Variants in GALNT14 observed in about 807,000 individuals in gnomAD.
GALNT14 encodes the protein polypeptide N-acetylgalactosaminyltransferase 14.
A neutral mutation model predicts 77.5 loss-of-function variants in GALNT14; 60 were observed. The observed-to-expected ratio is 0.77, with a 90% confidence interval of 0.63 to 0.96. The LOEUF (loss-of-function observed/expected upper bound fraction) is 0.96. Ranked by LOEUF, GALNT14 falls within the 40% of genes least tolerant of loss-of-function variation. GALNT14 has a pLI of 0.00. For synonymous variants in GALNT14, 280 were observed against 281.7 expected, an observed-to-expected ratio of 0.99 and a Z score of 0.06; for missense variants, 710 against 731.0, an observed-to-expected ratio of 0.97 and a Z score of 0.33.
At chr2:30,896,914 G>A in the GALNT14 span, among the ~76,000 whole-genome samples, 1 of 151,974 alleles carries the variant, frequency 6.6e-6, no homozygotes, top group Non-Finnish European at 1.5e-5. Flanking sequence ...CATCTCTGGA[G>A]TCTTTAACAG....
chr2:30,887,413 A>C, the GALNT14 span, among the ~76,000 whole-genome samples: 1 of 152,070 alleles, frequency 6.6e-6, no homozygotes, highest in African/African-American at 2.4e-5. Context: ...TTTTCATATG[A>C]TAGCCATCCT....
At chr2:30,952,511 C>T (rs1553342085) in intron 6 of GALNT14, among the ~76,000 whole-genome samples, 1 of 147,396 alleles carries the variant, frequency 6.8e-6, no homozygotes, top group African/African-American at 2.5e-5. Context: ...ATTGCAAGAA[C>T]AAAAAACCAA....
At chr2:30,952,219 T>G (rs1667070590) in intron 6 of GALNT14, among the ~76,000 whole-genome samples, 1 of 152,188 alleles carries the variant, frequency 6.6e-6, no homozygotes, top group African/African-American at 2.4e-5. Flanking sequence ...AAAAAGATAC[T>G]GAATGGAAAG....
At chr2:31,122,673 G>C (rs910093722) in intron 1 of GALNT14, among the ~76,000 whole-genome samples, 1 of 151,954 alleles carries the variant, frequency 6.6e-6, no homozygotes, top group African/African-American at 2.4e-5. Flanking sequence ...CATCAGGGGT[G>C]TTTTCTATAA....
chr2:31,082,241 CACA>C (rs1676191400), intron 1 of GALNT14, among the ~76,000 whole-genome samples: 1 of 152,266 alleles, frequency 6.6e-6, no homozygotes, highest in South Asian at 2.1e-4. Flanking sequence ...ACAGATAACA[CACA>C]ACAAGCAGGG....
At chr2:30,995,156 G>A (rs1383838473) in intron 1 of GALNT14, among the ~76,000 whole-genome samples, 6 of 62,218 alleles carry the variant, frequency 9.6e-5, no homozygotes, top group African/African-American at 2.3e-4. Context: ...GTGTGTGTGT[G>A]TGTGTGTGTG....
At chr2:30,934,584 T>C (rs1014596470) in intron 9 of GALNT14, among the ~76,000 whole-genome samples, 2 of 152,174 alleles carry the variant, frequency 1.3e-5, no homozygotes, top group East Asian at 3.8e-4. Flanking sequence ...GCTGTTTCTT[T>C]TCCTATGATC....
intron 2 of GALNT14, among the ~76,000 whole-genome samples, chr2:30,979,059 G>C (rs1296484722): frequency 1.3e-5 from 2 of 152,268 alleles, no homozygotes; most frequent in Admixed American, 1.3e-4. Context: ...GCCATGGCCT[G>C]ATGGGGGCGG....
At chr2:30,898,152 T>G in the GALNT14 span, among the ~76,000 whole-genome samples, 1 of 152,184 alleles carries the variant, frequency 6.6e-6, no homozygotes, top group Non-Finnish European at 1.5e-5. Context: ...GAGTGAGCTC[T>G]CTCGTCCTCG....
At chr2:31,058,458 G>T (rs1674378347) in intron 1 of GALNT14, among the ~76,000 whole-genome samples, 1 of 152,106 alleles carries the variant, frequency 6.6e-6, no homozygotes, top group African/African-American at 2.4e-5. Flanking sequence ...AACACACCTA[G>T]GACATCCTTT....
chr2:30,990,811 T>C (rs1193024525), intron 2 of GALNT14, among the ~76,000 whole-genome samples: 1 of 152,240 alleles, frequency 6.6e-6, no homozygotes, highest in Non-Finnish European at 1.5e-5. Flanking sequence ...AGGGCAAGGC[T>C]CGTGCCCTGA....
the GALNT14 span, among the ~76,000 whole-genome samples, chr2:30,900,327 A>G: frequency 6.6e-6 from 1 of 152,016 alleles, no homozygotes; most frequent in Non-Finnish European, 1.5e-5. Flanking sequence ...TCAGTATTAA[A>G]CTCTGTCATT....
At chr2:30,896,462 G>A in the GALNT14 span, among the ~76,000 whole-genome samples, 34 of 152,314 alleles carry the variant, frequency 2.2e-4, no homozygotes, top group African/African-American at 7.7e-4. Context: ...CTTTGGACAA[G>A]TTACTTAACC....
chr2:31,023,260 G>A (rs929685937), intron 1 of GALNT14, among the ~76,000 whole-genome samples: 34 of 152,134 alleles, frequency 2.2e-4, no homozygotes, highest in Non-Finnish European at 4.4e-4. Context: ...GTTTCCAGTG[G>A]ATGAAAAATA....
intron 1 of GALNT14, among the ~76,000 whole-genome samples, chr2:31,067,800 A>G (rs761670204): frequency 3.9e-5 from 6 of 152,158 alleles, no homozygotes; most frequent in Non-Finnish European, 8.8e-5. Flanking sequence ...CATTTTCCAG[A>G]CAAGGATTAA....
chr2:30,901,638 T>A, the GALNT14 span, among the ~76,000 whole-genome samples: 2 of 151,998 alleles, frequency 1.3e-5, no homozygotes, highest in Non-Finnish European at 2.9e-5. Context: ...TTAATACATA[T>A]ATGATTATAT....
intron 13 of GALNT14, among the ~76,000 whole-genome samples, chr2:30,916,676 T>A (rs559933355): frequency 1.3e-5 from 2 of 152,224 alleles, no homozygotes; most frequent in East Asian, 3.9e-4. Flanking sequence ...CAGATGCCAG[T>A]CTGGCCATAG....
At chr2:31,080,108 G>A (rs1558555246) in intron 1 of GALNT14, among the ~76,000 whole-genome samples, 1 of 152,226 alleles carries the variant, frequency 6.6e-6, no homozygotes, top group Non-Finnish European at 1.5e-5. Flanking sequence ...ACCAAAAAGA[G>A]TTTAAATGAA....
intron 1 of GALNT14, among the ~76,000 whole-genome samples, chr2:31,012,383 C>T (rs1671086628): frequency 6.6e-6 from 1 of 152,170 alleles, no homozygotes. Flanking sequence ...TATGGCAGCA[C>T]CTATAGTTAC....
Sources: allele counts gnomAD v4.1 joint callset (sites outside exome capture counted in the v4.1 genomes callset), GRCh38; gene constraint gnomAD v4.1.1; transcripts MANE v1.5; gene names NCBI Gene and HGNC (gene_info 2026-07-23, HGNC 2026-07-21).